Variants in IGF2BP2 observed in about 807,000 individuals in gnomAD.
The protein encoded by IGF2BP2 is insulin-like growth factor 2 mRNA-binding protein 2.
IGF2BP2 carries 17 observed loss-of-function variants against 75.8 expected under a neutral mutation model. The observed-to-expected ratio is 0.22, with a 90% CI of 0.15 to 0.34. IGF2BP2 has a LOEUF of 0.34. IGF2BP2 is among the 10% of genes least tolerant of loss of function. IGF2BP2 has a pLI of 1.00. For missense variants in IGF2BP2, 516 were observed against 772.4 expected (o/e 0.67, Z 3.93); for synonymous variants, 288 against 295.6 (o/e 0.97, Z 0.26).
intron 12 of IGF2BP2, among the ~76,000 whole-genome samples, chr3:185,656,935 G>A (rs1296748825): frequency 6.6e-6 from 1 of 152,208 alleles, no homozygotes; most frequent in Non-Finnish European, 1.5e-5. Context: ...ACTCATTAAA[G>A]CACCGCATAC....
At chr3:185,692,064 G>A (rs1329409369) in intron 5 of IGF2BP2, among the ~76,000 whole-genome samples, 2 of 152,100 alleles carry the variant, frequency 1.3e-5, no homozygotes, top group Non-Finnish European at 2.9e-5. Context: ...TTGATCTCAT[G>A]TCCATTAACA....
At chr3:185,713,622 G>C (rs1301898386) in intron 2 of IGF2BP2, 3 of 406,882 alleles carry the variant, frequency 7.4e-6, no homozygotes, top group Non-Finnish European at 1.5e-5. Flanking sequence ...GTGGATCTCA[G>C]CAAATCTGAA....
chr3:185,786,085 T>A (rs115483294), intron 2 of IGF2BP2, among the ~76,000 whole-genome samples: 45,292 of 150,582 alleles, frequency 0.3, 7,215 homozygotes, highest in African/African-American at 0.42. Flanking sequence ...TAATTAAACT[T>A]TTTTTTTTTC....
At chr3:185,722,091 ATTTT>A (rs373538684) in intron 2 of IGF2BP2, 1 of 317,124 alleles carries the variant, frequency 3.2e-6, no homozygotes, top group South Asian at 2.3e-5. Context: ...ACCACATCTG[ATTTT>A]TTTTTTCTTT....
chr3:185,802,039 G>A (rs1389541839), intron 2 of IGF2BP2, among the ~76,000 whole-genome samples: 3 of 151,966 alleles, frequency 2.0e-5, no homozygotes, highest in Admixed American at 6.6e-5. Flanking sequence ...GGGAGGGAGA[G>A]CATTAAGACA....
chr3:185,664,317 T>C (rs1463282002), intron 10 of IGF2BP2, among the ~76,000 whole-genome samples: 7 of 152,388 alleles, frequency 4.6e-5, no homozygotes, highest in Non-Finnish European at 8.8e-5. Flanking sequence ...CTGAACTCAC[T>C]GGTTCAGGTG....
intron 2 of IGF2BP2, among the ~76,000 whole-genome samples, chr3:185,734,883 C>A (rs1402066656): frequency 6.6e-6 from 1 of 152,020 alleles, no homozygotes; most frequent in Non-Finnish European, 1.5e-5. Context: ...TTGACCTTGG[C>A]CAATTACTCA....
chr3:185,647,188 C>G lies in IGF2BP2; in HGVS notation c.1594-50G>C, dbSNP rs763088914. ...GTTGGATAGGTTCCCTCCCCGTCAA[C>G]GTGGTGGGCTCAGGACGGAGTGAGG... On this transcript the variant is annotated intron_variant, in intron 14 of 15. Transcript: ENST00000382199. This position sits in a 1 kb window ranked among gnomAD's most constrained non-coding sequence, Gnocchi z 4.9. 2 of 1,335,910 alleles carry G rather than the reference C, an allele frequency of 1.5e-6. No individual in the cohort carries two copies. Among genetic ancestry groups the G allele is most frequent in the Non-Finnish European group, 2.2e-6 (2 of 926,464 alleles). 82.8% of individuals were successfully genotyped at this position (1,335,910 alleles called of 1,614,324 possible).
At chr3:185,653,913 A>G (rs1577819758) in intron 12 of IGF2BP2, among the ~76,000 whole-genome samples, 1 of 152,254 alleles carries the variant, frequency 6.6e-6, no homozygotes, top group East Asian at 1.9e-4. Context: ...TTGTGCATGG[A>G]TCACCTCTGG....
chr3:185,768,702 T>G (rs1362543326), intron 2 of IGF2BP2, among the ~76,000 whole-genome samples: 1 of 152,208 alleles, frequency 6.6e-6, no homozygotes, highest in Non-Finnish European at 1.5e-5. Context: ...GCTTTCACTT[T>G]GAAGCTTCTG....
chr3:185,727,167 G>A (rs186685880), intron 2 of IGF2BP2, among the ~76,000 whole-genome samples: 67 of 149,860 alleles, frequency 4.5e-4, no homozygotes, highest in Admixed American at 7.3e-4. Flanking sequence ...GCAGTGAGCT[G>A]AGATCATGCC....
intron 2 of IGF2BP2, among the ~76,000 whole-genome samples, chr3:185,703,890 G>A (rs1258465196): frequency 6.6e-6 from 1 of 152,184 alleles, no homozygotes; most frequent in East Asian, 1.9e-4. Flanking sequence ...CAGCTACCTT[G>A]AGAACTCTAA....
chr3:185,749,659 C>T (rs957363423), intron 2 of IGF2BP2, among the ~76,000 whole-genome samples: 7 of 152,114 alleles, frequency 4.6e-5, no homozygotes, highest in Admixed American at 2.6e-4. Flanking sequence ...TAACTTCTTC[C>T]GCTGGGTAAT....
chr3:185,823,095 G>T, intron 2 of IGF2BP2, 58 bp downstream of exon 2: 2 of 1,200,610 alleles, frequency 1.7e-6, no homozygotes, highest in African/African-American at 1.6e-5. Context: ...CTGTGTGTAC[G>T]TTTTTTACTT....
chr3:185,759,372 G>A (rs1242565786), intron 2 of IGF2BP2, among the ~76,000 whole-genome samples: 1 of 152,180 alleles, frequency 6.6e-6, no homozygotes. Context: ...AGTTGAATGT[G>A]TTTCAAGTTC....
intron 2 of IGF2BP2, among the ~76,000 whole-genome samples, chr3:185,737,166 C>T (rs1230071867): frequency 2.0e-5 from 3 of 152,220 alleles, no homozygotes; most frequent in African/African-American, 7.2e-5. Flanking sequence ...ATCATATCCC[C>T]TTTAATCATC....
rs541352041 is a variant in IGF2BP2, at chr3:185,736,141, T to G, written c.240-37794A>C. Reference sequence around the variant, plus strand: ...TTGTTGGATCAAATCCATCAGATCCTTAAGGCCAGCAGCTCCTGCACCTGG... The same window carrying G: ...TTGTTGGATCAAATCCATCAGATCCGTAAGGCCAGCAGCTCCTGCACCTGG... On this transcript the variant is annotated intron_variant, in intron 2 of 15. Transcript: ENST00000382199. 1.4e-4 allele frequency among the ~76,000 whole-genome samples: 22 copies of G among 152,234 alleles called. No individual in the cohort carries two copies. The East Asian group carries it at 3.9e-3, about 27-fold the overall frequency.
At chr3:185,708,996 G>A (rs1020701421) in intron 2 of IGF2BP2, among the ~76,000 whole-genome samples, 1 of 152,190 alleles carries the variant, frequency 6.6e-6, no homozygotes, top group African/African-American at 2.4e-5. Context: ...ACCAAATTGT[G>A]TTTTTAGAGA....
At chr3:185,787,530 C>G (rs1324134855) in intron 2 of IGF2BP2, among the ~76,000 whole-genome samples, 1 of 152,090 alleles carries the variant, frequency 6.6e-6, no homozygotes, top group African/African-American at 2.4e-5. Flanking sequence ...GTCAGGAGTT[C>G]GAGACCAGCC....
Sources: allele counts gnomAD v4.1 joint callset (sites outside exome capture counted in the v4.1 genomes callset), GRCh38; gene constraint gnomAD v4.1.1; non-coding constraint Gnocchi (gnomAD v3.1); transcripts MANE v1.5; gene names NCBI Gene and HGNC (gene_info 2026-07-23, HGNC 2026-07-21).